The following JAZF1 variants were observed in gnomAD, a reference collection of about 807,000 sequenced individuals.
JAZF1 encodes the protein JAZF zinc finger 1, also known as juxtaposed with another zinc finger protein 1.
JAZF1 carries 8 observed loss-of-function variants against 26.4 expected under a neutral mutation model. The ratio of observed to expected loss-of-function variants is 0.30; its 90% CI spans 0.18 to 0.55. JAZF1 has a LOEUF of 0.55. JAZF1 is among the 20% of genes least tolerant of loss of function. JAZF1 has a pLI of 0.94. For synonymous variants in JAZF1, 126 were observed against 122.3 expected (o/e 1.03, Z -0.20); for missense variants, 199 against 322.0 (o/e 0.62, Z 2.92).
intron 3 of JAZF1, among the ~76,000 whole-genome samples, chr7:27,856,463 C>G (rs1042408086): frequency 6.6e-6 from 1 of 152,188 alleles, no homozygotes; most frequent in Non-Finnish European, 1.5e-5. Context: ...GAGCGGGTTG[C>G]CACTGCTGAT....
At chr7:28,124,906 C>G (rs1358366696) in intron 1 of JAZF1, among the ~76,000 whole-genome samples, 1 of 152,130 alleles carries the variant, frequency 6.6e-6, no homozygotes, top group Non-Finnish European at 1.5e-5. Context: ...ATTACAGTAG[C>G]TAAAAAATAT....
chr7:28,164,980 G>T (rs1281931710), intron 1 of JAZF1, among the ~76,000 whole-genome samples: 4 of 152,142 alleles, frequency 2.6e-5, no homozygotes, highest in African/African-American at 9.7e-5. Flanking sequence ...ACCAGCCTGG[G>T]CAACACAGGG....
At chr7:28,112,713 C>T (rs756400519) in intron 1 of JAZF1, among the ~76,000 whole-genome samples, 10 of 152,066 alleles carry the variant, frequency 6.6e-5, no homozygotes, top group South Asian at 2.1e-4. Flanking sequence ...ATGGTGGGCC[C>T]GCCCAGGTTA....
intron 2 of JAZF1, among the ~76,000 whole-genome samples, chr7:27,915,174 TTTA>T (rs1351575310): frequency 1.3e-5 from 2 of 152,246 alleles, no homozygotes; most frequent in Non-Finnish European, 2.9e-5. Flanking sequence ...TTGTCTGGAT[TTTA>T]TTGAGTAATT....
intron 1 of JAZF1, 181 bp from the exon 2 acceptor site, chr7:27,992,162 TGCA>T: frequency 3.0e-6 from 2 of 668,958 alleles, no homozygotes; most frequent in South Asian, 3.0e-5. Flanking sequence ...AACAAGATAT[TGCA>T]TTACTTTTCA....
intron 3 of JAZF1, among the ~76,000 whole-genome samples, chr7:27,868,947 C>T (rs1783532626): frequency 6.6e-6 from 1 of 152,178 alleles, no homozygotes; most frequent in Non-Finnish European, 1.5e-5. Context: ...TTTTCTTCCC[C>T]AGAATAGAGG....
chr7:28,015,026 A>AGT (rs1169896668), intron 1 of JAZF1, among the ~76,000 whole-genome samples: 15 of 116,530 alleles, frequency 1.3e-4, no homozygotes, highest in African/African-American at 2.7e-4. Flanking sequence ...AAAAGCAGAA[A>AGT]GTGTGTATGT....
chr7:28,020,539 G>C (rs1782986330), intron 1 of JAZF1: 1 of 471,110 alleles, frequency 2.1e-6, no homozygotes, highest in East Asian at 6.9e-5. Context: ...GGTTACAAGT[G>C]TCATGACACT....
intron 1 of JAZF1, among the ~76,000 whole-genome samples, chr7:28,024,483 T>A (rs1048552852): frequency 4.6e-5 from 7 of 152,332 alleles, no homozygotes; most frequent in Admixed American, 2.0e-4. Flanking sequence ...GGTGTGGGCA[T>A]GTGTGTATAC....
intron 1 of JAZF1, among the ~76,000 whole-genome samples, chr7:28,149,966 CAAG>C (rs1268308210): frequency 6.6e-6 from 1 of 152,248 alleles, no homozygotes; most frequent in African/African-American, 2.4e-5. Context: ...ACGTAATCTG[CAAG>C]AAGGTTTTAC....
At chr7:27,886,825 C>T (rs1048553143) in intron 3 of JAZF1, among the ~76,000 whole-genome samples, 4 of 151,174 alleles carry the variant, frequency 2.6e-5, no homozygotes, top group Non-Finnish European at 4.4e-5. Flanking sequence ...GCACTATTCA[C>T]GATAGCAAAG....
At chr7:28,110,553 A>AGGAAAAGGAAAAGGAAAGGGAAAG (rs1204827727) in intron 1 of JAZF1, among the ~76,000 whole-genome samples, 14 of 56,106 alleles carry the variant, frequency 2.5e-4, no homozygotes, top group Admixed American at 5.1e-4. Context: ...GAAAAGGAAA[A>AGGAAAAGGAAAAGGAAAGGGAAAG]GGAAAGGGAA....
chr7:27,943,235 G>T lies in JAZF1; in HGVS notation c.189-47819C>A, dbSNP rs143134855. Among the ~76,000 whole-genome samples the T allele has an allele frequency of 1.7e-3, 261 of 152,204 alleles. 2 individuals are homozygous for T. Among genetic ancestry groups the T allele is most frequent in the Middle Eastern group, 3.4e-3 (1 of 294 alleles). On this transcript the variant is annotated intron_variant, in intron 2 of 4. Coordinates refer to ENST00000283928, the MANE Select transcript of JAZF1 (RefSeq NM_175061.4). ...CAGATGTTCACATCCCCTACATCCG[G>T]ACTGCCTGGCCTATGCAGACAGAAC...
At chr7:28,163,156 A>G (rs1247642297) in intron 1 of JAZF1, among the ~76,000 whole-genome samples, 1 of 152,218 alleles carries the variant, frequency 6.6e-6, no homozygotes, top group Non-Finnish European at 1.5e-5. Context: ...TGTGCCCCTC[A>G]CACATCAGCC....
At chr7:27,903,128 G>C (rs757175359) in intron 2 of JAZF1, among the ~76,000 whole-genome samples, 3 of 151,984 alleles carry the variant, frequency 2.0e-5, no homozygotes, top group Non-Finnish European at 2.9e-5. Context: ...TTGGGGCACG[G>C]AATATTAGGA....
At chr7:28,054,526 G>A (rs1325936262) in intron 1 of JAZF1, among the ~76,000 whole-genome samples, 1 of 152,096 alleles carries the variant, frequency 6.6e-6, no homozygotes, top group African/African-American at 2.4e-5. Context: ...CCTAGACCCA[G>A]TGAAGCCTCC....
At chr7:28,144,484 T>C (rs1270711982) in intron 1 of JAZF1, among the ~76,000 whole-genome samples, 1 of 152,182 alleles carries the variant, frequency 6.6e-6, no homozygotes, top group African/African-American at 2.4e-5. Flanking sequence ...GGAGCAGCAG[T>C]CTCGCTCCAG....
At chr7:28,035,750 C>T (rs1226724745) in intron 1 of JAZF1, among the ~76,000 whole-genome samples, 1 of 152,084 alleles carries the variant, frequency 6.6e-6, no homozygotes, top group Non-Finnish European at 1.5e-5. Flanking sequence ...AAAATATACA[C>T]CCGATTAATA....
intron 3 of JAZF1, among the ~76,000 whole-genome samples, chr7:27,874,209 G>C (rs1462403755): frequency 1.3e-5 from 2 of 152,214 alleles, no homozygotes; most frequent in Non-Finnish European, 2.9e-5. Context: ...CCCTGGCCCT[G>C]ATCCCACACC....
Sources: gnomAD v4.1 joint callset for allele counts (sites outside exome capture counted in the v4.1 genomes callset) on GRCh38, gnomAD v4.1.1 for gene constraint, MANE v1.5 for transcripts, NCBI Gene and HGNC (gene_info 2026-07-23, HGNC 2026-07-21) for gene names.